Variants in ADPGK observed in about 807,000 individuals in gnomAD.
The protein encoded by ADPGK is ADP-dependent glucokinase.
In ADPGK, 26 loss-of-function variants were observed where a neutral mutation model predicts 42.4. The observed-to-expected ratio is 0.61, with a 90% CI of 0.45 to 0.85. ADPGK has a LOEUF of 0.85. Ranked by LOEUF, ADPGK falls within the 40% of genes least tolerant of loss-of-function variation. The pLI is 0.00. For missense variants in ADPGK, 571 were observed against 627.0 expected (o/e 0.91, Z 0.95); for synonymous variants, 267 against 252.6 (o/e 1.06, Z -0.54).
In ADPGK at chr15:72,752,513, C is replaced by T; in HGVS notation, c.1322G>A (p.Gly441Asp). The T allele has an allele frequency of 6.2e-7, 1 of 1,614,190 alleles. No individual in the cohort carries two copies. The highest frequency in any genetic ancestry group is 8.5e-7 in the Non-Finnish European group (1 of 1,180,036). ...QEFMTSHSEA[G>D]SRIVLNPNKP... The stretch of plus-strand genomic sequence containing the variant: ...GTTTGGGTTTAATACAATCCTGGAG[C>T]CTGCCTCCGAATGGGAAGTCATGAA... The change falls in exon 7 of 7, where the codon GGC becomes GAC. Residue 441 changes from glycine to aspartate, a missense_variant. This residue lies in a region of ADPGK where 434 missense variants were observed against 522.7 expected (regional missense o/e 0.83). Transcript: ENST00000456471.
Position 72,783,716 on chromosome 15 carries a change from C to T in ADPGK, c.-25G>A, listed in dbSNP as rs2066502736. The T allele has an allele frequency of 7.0e-7, 1 of 1,436,644 alleles. No homozygotes were observed. The highest frequency in any genetic ancestry group is 1.5e-5 in the African/African-American group (1 of 66,876). 89.0% of individuals were successfully genotyped at this position (1,436,644 alleles called of 1,614,324 possible). Reference sequence around the variant, plus strand: ...TGGGGACCCAGGCGCCGCACCTGCGCGAACCAACTCCTTTCCTAGCCCGCG... The same window carrying T: ...TGGGGACCCAGGCGCCGCACCTGCGTGAACCAACTCCTTTCCTAGCCCGCG... On this transcript the variant is annotated 5_prime_UTR_variant, in exon 1 of 7. Coordinates refer to ENST00000456471, the MANE Select transcript of ADPGK (RefSeq NM_001365225.1).
At chr15:72,773,298 G>T (rs558035898) in intron 2 of ADPGK, among the ~76,000 whole-genome samples, 1 of 152,282 alleles carries the variant, frequency 6.6e-6, no homozygotes, top group South Asian at 2.1e-4. Context: ...GAATTCAGGT[G>T]GGACAGTAAT....
chr15:72,758,253 T>G (rs550780889), intron 4 of ADPGK: 1 of 812,182 alleles, frequency 1.2e-6, no homozygotes, highest in Admixed American at 1.9e-5. Context: ...GTAATGGTAG[T>G]TAGCGCCCCT....
At chr15:72,754,291 G>A (rs995647075) in intron 6 of ADPGK, among the ~76,000 whole-genome samples, 5 of 152,056 alleles carry the variant, frequency 3.3e-5, no homozygotes, top group African/African-American at 1.2e-4. Flanking sequence ...AAGGGTTCTG[G>A]AACCGCCCCC....
chr15:72,779,170 A>C (rs145468129), intron 1 of ADPGK, among the ~76,000 whole-genome samples: 2 of 151,276 alleles, frequency 1.3e-5, no homozygotes, highest in East Asian at 3.9e-4. Flanking sequence ...GAATTCATAC[A>C]GGGGAGAAGA....
chr15:72,759,834 G>A (rs1159897598), intron 4 of ADPGK, among the ~76,000 whole-genome samples: 1 of 152,184 alleles, frequency 6.6e-6, no homozygotes, highest in East Asian at 1.9e-4. Context: ...AAAATCTGCT[G>A]GGAAGAGGGG....
Position 72,758,257 on chromosome 15 carries a change from C to T in ADPGK, c.644-1810G>A, listed in dbSNP as rs916978259. 12 of 811,832 alleles carry T rather than the reference C, an allele frequency of 1.5e-5. No individual in the cohort carries two copies. In the East Asian group the frequency reaches 2.0e-4, roughly 13 times the overall value. 50.3% of individuals were successfully genotyped at this position (811,832 alleles called of 1,614,324 possible). ...TAATTCTGCCTGTAATGGTAGTTAG[C>T]GCCCCTCTTTCCTCACAAAGTGTTG... On this transcript the variant is annotated intron_variant, in intron 4 of 6. Coordinates refer to ENST00000456471, the MANE Select transcript of ADPGK (RefSeq NM_001365225.1).
At chr15:72,760,212 G>T in intron 4 of ADPGK, 195 bp downstream of exon 4, 1 of 505,212 alleles carries the variant, frequency 2.0e-6, no homozygotes, top group East Asian at 4.0e-5. Context: ...TTTCTTCCAT[G>T]TTATAATACT....
chr15:72,774,094 C>T (rs2066360484), intron 2 of ADPGK, among the ~76,000 whole-genome samples: 2 of 152,208 alleles, frequency 1.3e-5, no homozygotes. Context: ...CCACCTGCCT[C>T]AGCCTCCCAA....
rs185786257 is a variant in ADPGK at position 72,771,636 on chromosome 15, T to C, written c.522+147A>G. The C allele has an allele frequency of 1.6e-5, 10 of 626,786 alleles. No homozygotes were observed. In the East Asian group the frequency reaches 2.3e-4, roughly 14 times the overall value. The allele number at this position is 626,786 out of a possible 1,614,324, so 38.8% of individuals were successfully genotyped here. A position where few individuals can be genotyped will look rare whatever the true frequency, so the allele number is the denominator to read the frequency against. ...AGTATTAGTTACTACTATCTCCTAC[T>C]ATTACTGCTTCCTAACAAAAGACCC... On this transcript the variant is annotated intron_variant, in intron 3 of 6. Coordinates refer to ENST00000456471, the MANE Select transcript of ADPGK (RefSeq NM_001365225.1).
chr15:72,763,636 GA>G (rs1230504524), intron 3 of ADPGK, among the ~76,000 whole-genome samples: 2 of 152,172 alleles, frequency 1.3e-5, no homozygotes, highest in Non-Finnish European at 1.5e-5. Flanking sequence ...GTAACATGAG[GA>G]AGTCAAATAT....
rs1333345653 is a variant in ADPGK, at chr15:72,771,776, G to A, written c.522+7C>T. ...GGCATAGGTTTTAATCTAAAAACTT[G>A]ACCTACCTTTAAATCTGAGTTGGCT... On this transcript the variant is annotated splice_region_variant and intron_variant, in intron 3 of 6. Coordinates refer to ENST00000456471, the MANE Select transcript of ADPGK (RefSeq NM_001365225.1). 4 of 1,610,878 alleles carry A rather than the reference G, an allele frequency of 2.5e-6. No homozygotes were observed. The highest frequency in any genetic ancestry group is 3.4e-6 in the Non-Finnish European group (4 of 1,178,332).
rs111976344 is a variant in ADPGK, at chr15:72,761,983, T to C, written c.523-1456A>G. 2.7e-3 allele frequency among the ~76,000 whole-genome samples: 404 copies of C among 152,314 alleles called. 4 individuals are homozygous for C. The highest frequency in any genetic ancestry group is 9.2e-3 in the African/African-American group (383 of 41,562). On this transcript the variant is annotated intron_variant, in intron 3 of 6. Coordinates refer to ENST00000456471, the MANE Select transcript of ADPGK (RefSeq NM_001365225.1). ...ACTTCCCAGGTTCAATCAATTCTCC[T>C]GCCTCAGCCTCCCAAGTAGCTGGGA...
At chr15:72,782,992 G>A (rs1056651587) in intron 1 of ADPGK, 2 of 158,360 alleles carry the variant, frequency 1.3e-5, no homozygotes, top group Admixed American at 1.3e-4. Flanking sequence ...AAATCTGAGA[G>A]GAGTTGCAGT....
intron 3 of ADPGK, 110 bp from the exon 4 acceptor site, chr15:72,760,637 A>C: frequency 7.5e-7 from 1 of 1,339,484 alleles, no homozygotes; most frequent in Non-Finnish European, 9.8e-7. Flanking sequence ...TTTCAACAAA[A>C]TATTGGAATC....
Position 72,752,417 on chromosome 15 carries a change from G to C in ADPGK, c.1418C>G (p.Pro473Arg). Residue 473 changes from proline to arginine, a missense_variant, in exon 7 of 7, where the codon CCC becomes CGC. By Grantham distance (103) the Pro-to-Arg change is moderately radical. This residue lies in a region of ADPGK where 434 missense variants were observed against 522.7 expected (regional missense o/e 0.83). Transcript: ENST00000456471. ...HFTPVLVCKDPIRTVGLGDAI... is the reference protein window; with the variant it reads ...HFTPVLVCKDRIRTVGLGDAI... The stretch of plus-strand genomic sequence containing the variant: ...ATCTCCAAGGCCTACAGTTCGAATG[G>C]GGTCTTTACACACCAATACTGGTGT... The C allele has an allele frequency of 3.7e-6, 6 of 1,614,178 alleles. No homozygotes were observed. Among genetic ancestry groups the C allele is most frequent in the Non-Finnish European group, 5.1e-6 (6 of 1,180,044 alleles).
At chr15:72,766,251 T>A (rs1243842839) in intron 3 of ADPGK, among the ~76,000 whole-genome samples, 2 of 152,148 alleles carry the variant, frequency 1.3e-5, no homozygotes, top group Non-Finnish European at 1.5e-5. Context: ...GAATTACAGG[T>A]GTGAGCCACT....
chr15:72,779,244 GTT>G lies in ADPGK; in HGVS notation c.234-4149_234-4148del, dbSNP rs35321622. Among the ~76,000 whole-genome samples the G allele has an allele frequency of 5.4e-3, 582 of 107,214 alleles. 2 individuals carry two copies. Among genetic ancestry groups the G allele is most frequent in the Admixed American group, 7.1e-3 (65 of 9,116 alleles). The allele number at this position is 107,214 out of a possible 152,430, so 70.3% of individuals were successfully genotyped here. On this transcript the variant is annotated intron_variant, in intron 1 of 6. Transcript: ENST00000456471. Reference sequence around the variant, plus strand: ...AGGGGCAATAAATATTAGCATGAGGGTTTTTTTTTTTTTTTTTTTTTGAGATA... The same window carrying G: ...AGGGGCAATAAATATTAGCATGAGGGTTTTTTTTTTTTTTTTTTTGAGATA...
intron 3 of ADPGK, among the ~76,000 whole-genome samples, chr15:72,763,458 T>C (rs2066221147): frequency 6.6e-6 from 1 of 152,016 alleles, no homozygotes; most frequent in South Asian, 2.1e-4. Context: ...AAGTGCCGGA[T>C]TACAGGCGTG....
Sources: allele counts gnomAD v4.1 joint callset (sites outside exome capture counted in the v4.1 genomes callset), GRCh38; gene constraint gnomAD v4.1.1; regional missense constraint gnomAD v4.1.1; transcripts MANE v1.5; gene names NCBI Gene and HGNC (gene_info 2026-07-23, HGNC 2026-07-21).